ANK2: variants seen among roughly 807,000 people sequenced by gnomAD.
The protein encoded by ANK2 is ankyrin 2.
In ANK2, 83 loss-of-function variants were observed where a neutral mutation model predicts 360.5. The ratio of observed to expected loss-of-function variants is 0.23; its 90% confidence interval spans 0.19 to 0.28. The LOEUF is 0.28. ANK2 is among the 10% of genes least tolerant of loss of function. The pLI is 1.00. For synonymous variants in ANK2, 1,740 were observed against 1,759.5 expected, an observed-to-expected ratio of 0.99 and a Z score of 0.28; for missense variants, 4,201 against 4,795.7, an observed-to-expected ratio of 0.88 and a Z score of 3.66.
the ANK2 span, among the ~76,000 whole-genome samples, chr4:112,725,097 A>G: frequency 2.0e-5 from 3 of 151,724 alleles, no homozygotes; most frequent in African/African-American, 4.8e-5. Flanking sequence ...CTGGGCAACA[A>G]GGTGAAACCC....
the ANK2 span, chr4:112,788,373 G>C: frequency 6.4e-7 from 1 of 1,560,492 alleles, no homozygotes. Context: ...CATAGGGCAG[G>C]CAAGAAGACA....
intron 2 of ANK2, among the ~76,000 whole-genome samples, chr4:113,183,176 C>T (rs11931148): frequency 0.48 from 72,873 of 151,378 alleles, 18,011 homozygotes; most frequent in African/African-American, 0.6. Flanking sequence ...TTTTTTTCAG[C>T]GAAATATGAT....
intron 2 of ANK2, among the ~76,000 whole-genome samples, chr4:112,908,490 G>T (rs1399483152): frequency 1.3e-5 from 2 of 152,142 alleles, no homozygotes; most frequent in African/African-American, 4.8e-5. Context: ...AAAAGGGCTG[G>T]TCTTCAAAAT....
chr4:113,057,454 C>T, intron 1 of ANK2, among the ~76,000 whole-genome samples: 1 of 152,126 alleles, frequency 6.6e-6, no homozygotes, highest in East Asian at 1.9e-4. Context: ...GATTAGGAAA[C>T]TGTTGAGTGA....
the ANK2 span, among the ~76,000 whole-genome samples, chr4:112,799,218 A>T: frequency 1.3e-5 from 2 of 152,124 alleles, no homozygotes; most frequent in African/African-American, 4.8e-5. Context: ...CTTTTTGCCC[A>T]TTGAAGGACA....
intron 1 of ANK2, among the ~76,000 whole-genome samples, chr4:112,891,357 G>A (rs1479157054): frequency 6.6e-6 from 1 of 152,128 alleles, no homozygotes; most frequent in Admixed American, 6.5e-5. Context: ...TTCCAGCCAT[G>A]TCAAGTTATC....
chr4:112,786,248 A>AAAAAAAAAAGT, the ANK2 span, among the ~76,000 whole-genome samples: 1 of 133,016 alleles, frequency 7.5e-6, no homozygotes, highest in Non-Finnish European at 1.6e-5. Context: ...AAAAAAAAGT[A>AAAAAAAAAAGT]AAAAAAAAAA....
At chr4:113,362,948 C>T (rs1251701945) in intron 39 of ANK2, among the ~76,000 whole-genome samples, 3 of 152,152 alleles carry the variant, frequency 2.0e-5, no homozygotes, top group Non-Finnish European at 4.4e-5. Flanking sequence ...AAAACATCAC[C>T]TATGTTAATT....
chr4:112,754,001 G>T, the ANK2 span, among the ~76,000 whole-genome samples: 1 of 151,366 alleles, frequency 6.6e-6, no homozygotes, highest in African/African-American at 2.4e-5. Context: ...GGGAGGCTGA[G>T]GCACGATAAT....
Position 113,353,760 on chromosome 4 carries a change from A to G in ANK2, c.5142A>G (p.Gln1714=). 1 of 1,613,844 alleles carries G rather than the reference A, an allele frequency of 6.2e-7. No individual in the cohort carries two copies. Among genetic ancestry groups the G allele is most frequent in the Non-Finnish European group, 8.5e-7 (1 of 1,179,966 alleles). ...VRRKLKEKQK[Q]KEEGLQASAE... The stretch of plus-strand genomic sequence containing the variant: ...GGAAATTAAAAGAAAAGCAGAAACA[A>G]AAAGAGGAAGGTTTACAAGCTAGTG... Residue 1714 remains glutamine, a synonymous_variant, in exon 38 of 46, where the codon CAA becomes CAG. Transcript: ENST00000357077.
At chr4:112,917,053 A>G (rs2090061570) in intron 2 of ANK2, among the ~76,000 whole-genome samples, 2 of 152,320 alleles carry the variant, frequency 1.3e-5, no homozygotes, top group South Asian at 4.1e-4. Context: ...CGCATATGCA[A>G]AGGCAGGGGG....
intron 1 of ANK2, among the ~76,000 whole-genome samples, chr4:113,117,869 A>G (rs2094979377): frequency 6.6e-6 from 1 of 152,166 alleles, no homozygotes; most frequent in Non-Finnish European, 1.5e-5. Flanking sequence ...AGTTAAGAAT[A>G]AACTAAAGAT....
chr4:113,043,048 C>T (rs2063351545), intron 2 of ANK2, among the ~76,000 whole-genome samples: 1 of 151,906 alleles, frequency 6.6e-6, no homozygotes, highest in Non-Finnish European at 1.5e-5. Flanking sequence ...AGCATGGGGT[C>T]CAGCATATAG....
At chr4:113,347,568 T>C (rs2095010250) in intron 35 of ANK2, among the ~76,000 whole-genome samples, 1 of 152,170 alleles carries the variant, frequency 6.6e-6, no homozygotes, top group South Asian at 2.1e-4. Flanking sequence ...AGTCAAGACA[T>C]ATCAGACACA....
chr4:112,950,998 C>T (rs983036992), intron 2 of ANK2, among the ~76,000 whole-genome samples: 11 of 140,724 alleles, frequency 7.8e-5, no homozygotes, highest in African/African-American at 2.9e-4. Context: ...AGGAGAATGG[C>T]GTGAACCCGG....
At chr4:113,080,928 C>T (rs1474192374) in intron 1 of ANK2, among the ~76,000 whole-genome samples, 1 of 152,102 alleles carries the variant, frequency 6.6e-6, no homozygotes. Flanking sequence ...CCATTAGGGA[C>T]AGTATAGTAA....
the ANK2 span, among the ~76,000 whole-genome samples, chr4:112,728,290 C>A: frequency 5.3e-5 from 2 of 37,518 alleles, no homozygotes; most frequent in Non-Finnish European, 9.3e-5. Context: ...GAGACTCTGT[C>A]TCAAAAAAAA....
At chr4:112,896,364 C>T (rs767262002) in intron 1 of ANK2, among the ~76,000 whole-genome samples, 4 of 152,200 alleles carry the variant, frequency 2.6e-5, no homozygotes, top group Non-Finnish European at 5.9e-5. Context: ...ACATGAATTA[C>T]TCCTACCTTC....
chr4:112,707,983 T>C, the ANK2 span, among the ~76,000 whole-genome samples: 1 of 152,214 alleles, frequency 6.6e-6, no homozygotes. Flanking sequence ...TTTTAGTGAT[T>C]GGTGCATTAA....
Sources: gnomAD v4.1 joint callset for allele counts (sites outside exome capture counted in the v4.1 genomes callset) on GRCh38, gnomAD v4.1.1 for gene constraint, MANE v1.5 for transcripts, NCBI Gene and HGNC (gene_info 2026-07-23, HGNC 2026-07-21) for gene names.